SLC12A8: variants seen among roughly 807,000 people sequenced by gnomAD.
SLC12A8 encodes the protein cation-chloride cotransporter 9.
SLC12A8 carries 69 observed loss-of-function variants against 75.6 expected under a neutral mutation model. That is an observed-to-expected ratio of 0.91 (90% confidence interval 0.75 to 1.11). The LOEUF (loss-of-function observed/expected upper bound fraction) is 1.11, where lower values mean the gene tolerates loss of function less well. Ranked by LOEUF, SLC12A8 falls within the 50% of genes most tolerant of loss-of-function variation. SLC12A8 has a pLI of 0.00. For synonymous variants in SLC12A8, 365 were observed against 372.8 expected (o/e 0.98, Z 0.24); for missense variants, 877 against 896.7 (o/e 0.98, Z 0.28).
At chr3:125,172,319 T>G (rs1934421056) in intron 5 of SLC12A8, among the ~76,000 whole-genome samples, 1 of 148,514 alleles carries the variant, frequency 6.7e-6, no homozygotes, top group African/African-American at 2.6e-5. Flanking sequence ...TCTCTCTCCC[T>G]CTCCCTCTTT....
intron 2 of SLC12A8, among the ~76,000 whole-genome samples, chr3:125,191,954 G>T (rs1370688996): frequency 6.6e-6 from 1 of 152,148 alleles, no homozygotes; most frequent in Non-Finnish European, 1.5e-5. Flanking sequence ...GTCAATAATT[G>T]TCAGAACAGT....
intron 5 of SLC12A8, among the ~76,000 whole-genome samples, chr3:125,138,161 G>A (rs1184221693): frequency 1.3e-5 from 2 of 152,216 alleles, no homozygotes; most frequent in Non-Finnish European, 2.9e-5. Context: ...CAGCACTTTG[G>A]GAGGCCGAGG....
At chr3:125,137,657 G>A (rs924274036) in intron 5 of SLC12A8, among the ~76,000 whole-genome samples, 2 of 152,228 alleles carry the variant, frequency 1.3e-5, no homozygotes, top group Admixed American at 6.5e-5. Context: ...GCCCAAGGGC[G>A]GCCCTGACAC....
intron 13 of SLC12A8, 43 bp from the exon 14 acceptor site, chr3:125,084,095 A>G: frequency 6.4e-7 from 1 of 1,562,684 alleles, no homozygotes; most frequent in Non-Finnish European, 8.8e-7. Flanking sequence ...AGGACAGAAC[A>G]GAGACTGAAC....
intron 6 of SLC12A8, among the ~76,000 whole-genome samples, chr3:125,127,484 C>G (rs1484284512): frequency 6.6e-6 from 1 of 152,204 alleles, no homozygotes; most frequent in Non-Finnish European, 1.5e-5. Context: ...TCTTTGTTTC[C>G]TCATCTGTAA....
Position 125,107,966 on chromosome 3 carries a change from A to G in SLC12A8, c.1220T>C (p.Met407Thr). Residue 407 changes from methionine (M) to threonine (T), a missense_variant, in exon 10 of 14, where the codon ATG (methionine) becomes ACG (threonine). Transcript: ENST00000469902. Reference protein sequence around the residue: ...AVDYSYFSLSMCSCSLTPVPE... With the variant: ...AVDYSYFSLSTCSCSLTPVPE... ...CACCGGGGTCAGGCTGCAGGAACAC[A>G]TGGACAGGGAGAAGTAAGAGTAGTC... is the stretch of plus-strand genomic sequence containing the variant. The G allele has an allele frequency of 6.2e-7, 1 of 1,614,186 alleles. No homozygotes were observed. Among genetic ancestry groups the G allele is most frequent in the Non-Finnish European group, 8.5e-7 (1 of 1,180,022 alleles).
intron 2 of SLC12A8, among the ~76,000 whole-genome samples, chr3:125,197,229 A>T (rs1439504966): frequency 6.6e-6 from 1 of 152,260 alleles, no homozygotes; most frequent in Non-Finnish European, 1.5e-5. Context: ...AGTAAATAAT[A>T]GCAATAGAAT....
chr3:125,092,902 A>T (rs1273997289), intron 10 of SLC12A8, among the ~76,000 whole-genome samples: 2 of 152,170 alleles, frequency 1.3e-5, no homozygotes, highest in Non-Finnish European at 2.9e-5. Context: ...TTAATGTCAG[A>T]GTAGTGAAGT....
intron 5 of SLC12A8, among the ~76,000 whole-genome samples, chr3:125,168,933 C>G (rs1051941448): frequency 6.6e-6 from 1 of 152,218 alleles, no homozygotes; most frequent in African/African-American, 2.4e-5. Flanking sequence ...TGATCCACCT[C>G]CCACAGATGG....
chr3:125,154,046 C>T (rs1015145124), intron 5 of SLC12A8, among the ~76,000 whole-genome samples: 1 of 152,122 alleles, frequency 6.6e-6, no homozygotes, highest in Non-Finnish European at 1.5e-5. Context: ...CCATGCCCGG[C>T]CAGATGATGA....
intron 13 of SLC12A8, among the ~76,000 whole-genome samples, chr3:125,087,892 T>C (rs1261323022): frequency 6.6e-6 from 1 of 152,222 alleles, no homozygotes; most frequent in Admixed American, 6.5e-5. Flanking sequence ...AACCCAGTCA[T>C]GTCAACTACC....
chr3:125,202,921 C>T (rs972298136), intron 2 of SLC12A8, among the ~76,000 whole-genome samples: 2 of 151,856 alleles, frequency 1.3e-5, no homozygotes, highest in African/African-American at 2.4e-5. Context: ...AACCCCGTCT[C>T]TACTAAAAAC....
At chr3:125,153,115 G>A (rs531356365) in intron 5 of SLC12A8, among the ~76,000 whole-genome samples, 45 of 152,260 alleles carry the variant, frequency 3.0e-4, no homozygotes, top group African/African-American at 8.9e-4. Context: ...CGCAGATTAC[G>A]TTTCCTAGGA....
chr3:125,149,973 G>A (rs548437818), intron 5 of SLC12A8, among the ~76,000 whole-genome samples: 1 of 152,282 alleles, frequency 6.6e-6, no homozygotes. Flanking sequence ...AAGTACCTCT[G>A]TTCTAATCCT....
Position 125,177,892 on chromosome 3 carries a change from C to G in SLC12A8, c.473G>C (p.Arg158Pro). ...CAGAAGCACCGCAACTGAAATTCCT[C>G]GCACAGCCCAGATATTCCCGAGGCC... ...LLGLGNIWAV[R>P]GISVAVLLAL... The change falls in exon 5 of 14, where the codon CGA (arginine) becomes CCA (proline). Residue 158 changes from arginine to proline, a missense_variant. Physicochemically the swap from Arg to Pro is moderately radical, Grantham distance 103 (BLOSUM62 -2). Transcript: ENST00000469902. The G allele has an allele frequency of 6.2e-7, 1 of 1,614,202 alleles. No individual in the cohort carries two copies. The highest frequency in any genetic ancestry group is 8.5e-7 in the Non-Finnish European group (1 of 1,180,032).
At chr3:125,102,205 A>C (rs1234441826) in intron 10 of SLC12A8, among the ~76,000 whole-genome samples, 1 of 152,240 alleles carries the variant, frequency 6.6e-6, no homozygotes, top group Non-Finnish European at 1.5e-5. Flanking sequence ...GATGGATTTT[A>C]AATGATGTCA....
intron 6 of SLC12A8, chr3:125,126,010 G>A (rs1933197586): frequency 5.2e-6 from 4 of 772,200 alleles, no homozygotes; most frequent in Non-Finnish European, 6.3e-6. Flanking sequence ...GCCAATTCCA[G>A]GAAGCAGTTA....
At chr3:125,092,303 C>A in intron 10 of SLC12A8, 105 bp from the exon 11 acceptor site, 1 of 696,304 alleles carries the variant, frequency 1.4e-6, no homozygotes, top group South Asian at 1.7e-5. Context: ...GTAACTTAGC[C>A]TAAAAGACAT....
chr3:125,188,608 G>A (rs1311356704), intron 3 of SLC12A8, among the ~76,000 whole-genome samples: 2 of 152,232 alleles, frequency 1.3e-5, no homozygotes, highest in Non-Finnish European at 2.9e-5. Context: ...CTTCTAAGAA[G>A]GAGATGTAAT....
Sources: allele counts gnomAD v4.1 joint callset (sites outside exome capture counted in the v4.1 genomes callset), GRCh38; gene constraint gnomAD v4.1.1; transcripts MANE v1.5; gene names NCBI Gene and HGNC (gene_info 2026-07-23, HGNC 2026-07-21).